Variants in ACER3 observed in about 807,000 individuals in gnomAD.
The protein encoded by ACER3 is alkaline ceramidase 3, also known as alkCDase 3.
A neutral mutation model predicts 48.9 loss-of-function variants in ACER3; 16 were observed. The ratio of observed to expected loss-of-function variants is 0.33; its 90% CI spans 0.22 to 0.50. The LOEUF (loss-of-function observed/expected upper bound fraction) is 0.50, where lower values mean the gene tolerates loss of function less well. Ranked by LOEUF, ACER3 falls within the 20% of genes least tolerant of loss-of-function variation. The pLI is 0.98. For missense variants in ACER3, 227 were observed against 326.0 expected, an observed-to-expected ratio of 0.70 and a Z score of 2.34; for synonymous variants, 109 against 107.8, an observed-to-expected ratio of 1.01 and a Z score of -0.07.
intron 2 of ACER3, among the ~76,000 whole-genome samples, chr11:76,958,271 C>T (rs1311493869): frequency 6.7e-6 from 1 of 150,140 alleles, no homozygotes; most frequent in African/African-American, 2.5e-5. Flanking sequence ...ACTGCAACCT[C>T]CTTCTTCTGG....
At chr11:76,885,729 A>G (rs1311868109) in intron 1 of ACER3, among the ~76,000 whole-genome samples, 1 of 152,152 alleles carries the variant, frequency 6.6e-6, no homozygotes, top group African/African-American at 2.4e-5. Context: ...GGGGAATAGT[A>G]GCCTAGCATG....
chr11:76,897,862 A>C (rs1228640268), intron 1 of ACER3, among the ~76,000 whole-genome samples: 1 of 152,250 alleles, frequency 6.6e-6, no homozygotes, highest in African/African-American at 2.4e-5. Context: ...GACATCTCAA[A>C]ACAGTCATAC....
rs187764606 is a variant in ACER3 at position 77,014,194 on chromosome 11, T to G, written c.498-822T>G. Reference sequence around the variant, plus strand: ...TACTATTTTCAGTACCTCACCAAGCTTCAATTTTCTCATCAGTGAAGTAAA... The same window carrying G: ...TACTATTTTCAGTACCTCACCAAGCGTCAATTTTCTCATCAGTGAAGTAAA... On this transcript the variant is annotated intron_variant, in intron 7 of 10. Coordinates refer to ENST00000532485, the MANE Select transcript of ACER3 (RefSeq NM_018367.7). 1.7e-3 allele frequency among the ~76,000 whole-genome samples: 260 copies of G among 152,336 alleles called. 2 individuals carry two copies. Among genetic ancestry groups the G allele is most frequent in the African/African-American group, 6.0e-3 (248 of 41,578 alleles).
At chr11:76,926,806 A>T in intron 2 of ACER3, 139 bp downstream of exon 2, 1 of 544,004 alleles carries the variant, frequency 1.8e-6, no homozygotes, top group East Asian at 3.3e-5. Context: ...AAAACTCCAA[A>T]AACCTTGCCA....
At chr11:76,948,451 A>G (rs1947542262) in intron 2 of ACER3, among the ~76,000 whole-genome samples, 2 of 152,282 alleles carry the variant, frequency 1.3e-5, no homozygotes, top group South Asian at 2.1e-4. Flanking sequence ...CATGCTCTCA[A>G]TTACTGCACT....
chr11:76,915,483 G>A (rs76870612), intron 1 of ACER3, among the ~76,000 whole-genome samples: 3,719 of 151,974 alleles, frequency 0.024, 137 homozygotes, highest in African/African-American at 0.082. Flanking sequence ...GATGTTAACA[G>A]GTGTGGACCA....
In ACER3 at chr11:77,023,365, AG is replaced by A; in HGVS notation, c.*3040del. The A allele has an allele frequency of 2.6e-6, 1 of 386,700 alleles. No homozygotes were observed. Among genetic ancestry groups the A allele is most frequent in the Non-Finnish European group, 4.6e-6 (1 of 218,354 alleles). 24.0% of individuals were successfully genotyped at this position (386,700 alleles called of 1,614,324 possible). On this transcript the variant is annotated 3_prime_UTR_variant, in exon 11 of 11. Coordinates refer to ENST00000532485, the MANE Select transcript of ACER3 (RefSeq NM_018367.7). ...AAGAAAATTAAGAGACAAAACCTTC[AG>A]GTACATAATGCATGAAAATCTTTAA...
At chr11:76,895,439 A>G (rs1447361722) in intron 1 of ACER3, among the ~76,000 whole-genome samples, 1 of 152,236 alleles carries the variant, frequency 6.6e-6, no homozygotes, top group Non-Finnish European at 1.5e-5. Context: ...GCAGAAGGAA[A>G]TAATTTTTAA....
intron 7 of ACER3, chr11:77,011,512 C>A (rs2135311997): frequency 2.5e-6 from 1 of 397,406 alleles, no homozygotes; most frequent in Non-Finnish European, 3.4e-6. Context: ...CTCATTCTTG[C>A]CTTCCTCAAA....
intron 6 of ACER3, 22 bp downstream of exon 6, chr11:76,990,596 C>T (rs1948780373): frequency 7.3e-7 from 1 of 1,376,694 alleles, no homozygotes; most frequent in African/African-American, 1.4e-5. Context: ...TAAATTATTA[C>T]ACATTAGATT....
At chr11:76,918,960 A>T (rs1946610113) in intron 1 of ACER3, among the ~76,000 whole-genome samples, 1 of 133,940 alleles carries the variant, frequency 7.5e-6, no homozygotes, top group African/African-American at 2.5e-5. Flanking sequence ...CTGCATAATC[A>T]GTAAAATATT....
chr11:76,948,173 A>G (rs1047563860), intron 2 of ACER3, among the ~76,000 whole-genome samples: 6 of 146,718 alleles, frequency 4.1e-5, no homozygotes, highest in Admixed American at 6.9e-5. Context: ...TTTTGGTATT[A>G]CCATTCTGTT....
chr11:76,897,752 A>G (rs928226531), intron 1 of ACER3, among the ~76,000 whole-genome samples: 11 of 152,190 alleles, frequency 7.2e-5, no homozygotes, highest in African/African-American at 2.4e-4. Context: ...TTTCTAGGAA[A>G]ACATCTTCTA....
chr11:77,001,439 G>A (rs1555019787), intron 7 of ACER3, among the ~76,000 whole-genome samples: 1 of 152,058 alleles, frequency 6.6e-6, no homozygotes, highest in Non-Finnish European at 1.5e-5. Context: ...TGTATTTTTA[G>A]TAGAGACGGA....
chr11:76,989,765 G>A (rs747371451), intron 5 of ACER3, among the ~76,000 whole-genome samples: 4 of 152,188 alleles, frequency 2.6e-5, no homozygotes, highest in Non-Finnish European at 5.9e-5. Flanking sequence ...TACAAGTGAT[G>A]AGAGTCATGG....
At chr11:76,904,841 ATGTG>A (rs3047842) in intron 1 of ACER3, among the ~76,000 whole-genome samples, 3 of 147,406 alleles carry the variant, frequency 2.0e-5, no homozygotes, top group African/African-American at 5.0e-5. Context: ...TTCTCTATGT[ATGTG>A]TGTGTGTGTG....
At chr11:76,921,476 C>T (rs1317150475) in intron 1 of ACER3, among the ~76,000 whole-genome samples, 1 of 152,068 alleles carries the variant, frequency 6.6e-6, no homozygotes, top group Non-Finnish European at 1.5e-5. Flanking sequence ...ATTGAAAAGA[C>T]CATCCTTTCC....
chr11:76,905,265 A>T (rs1454023684), intron 1 of ACER3, among the ~76,000 whole-genome samples: 3 of 152,034 alleles, frequency 2.0e-5, no homozygotes, highest in Non-Finnish European at 2.9e-5. Context: ...CCTTTAAATT[A>T]AAAAAAATTG....
intron 1 of ACER3, among the ~76,000 whole-genome samples, chr11:76,911,269 G>A (rs779764482): frequency 2.0e-5 from 3 of 152,194 alleles, no homozygotes; most frequent in African/African-American, 4.8e-5. Flanking sequence ...GGAAAGGGGC[G>A]GGCAATTCCT....
Sources: gnomAD v4.1 joint callset for allele counts (sites outside exome capture counted in the v4.1 genomes callset) on GRCh38, gnomAD v4.1.1 for gene constraint, MANE v1.5 for transcripts, NCBI Gene and HGNC (gene_info 2026-07-23, HGNC 2026-07-21) for gene names.